Variants in CPN1 observed in about 807,000 individuals in gnomAD.
CPN1 encodes the protein carboxypeptidase N catalytic chain.
In CPN1, 37 loss-of-function variants were observed where a neutral mutation model predicts 46.4. That is an observed-to-expected ratio of 0.80 (90% CI 0.61 to 1.05). The LOEUF (loss-of-function observed/expected upper bound fraction) is 1.05. CPN1 is among the 50% of genes least tolerant of loss of function. The pLI is 0.00. For synonymous variants in CPN1, 224 were observed against 235.4 expected (o/e 0.95, Z 0.44); for missense variants, 563 against 602.6 (o/e 0.93, Z 0.69).
rs749861524 is a variant in CPN1, at chr10:100,042,419, T to G, written c.*8A>C. ...GCCTTTCTGAAGGGTTGCCTGGCAC[T>G]GTGGGTTTCAGGCAGGGCCTCTCTG... On this transcript the variant is annotated 3_prime_UTR_variant, in exon 9 of 9. Coordinates refer to ENST00000370418, the MANE Select transcript of CPN1 (RefSeq NM_001308.3). 3.1e-6 allele frequency: 5 copies of G among 1,612,738 alleles called. No homozygotes were observed. Among genetic ancestry groups the G allele is most frequent in the African/African-American group, 2.7e-5 (2 of 74,870 alleles).
In CPN1 at chr10:100,056,894, C is replaced by T. The variant is rs144415835; in HGVS notation, c.1011+119G>A. ...GAATAAATCTCAATGGAAGAAGACG[C>T]CCAGATCTATTGGACTGAGTCAGAG... On this transcript the variant is annotated intron_variant, in intron 6 of 8. Coordinates refer to ENST00000370418, the MANE Select transcript of CPN1 (RefSeq NM_001308.3). The T allele has an allele frequency of 8.1e-3, 10,128 of 1,243,684 alleles. 88 individuals are homozygous for T. The highest frequency in any genetic ancestry group is 0.051 in the Middle Eastern group (233 of 4,588). The allele number at this position is 1,243,684 out of a possible 1,614,324, so 77.0% of individuals were successfully genotyped here.
rs1352587926 is a variant in CPN1 at position 100,081,295 on chromosome 10, C to G, written c.223+108G>C. ...AGCACAGGCTGAGAAAGAGATAATA[C>G]CTTGTAGGCGGAGGCGTCCACGGAC... On this transcript the variant is annotated intron_variant, in intron 1 of 8. Coordinates refer to ENST00000370418, the MANE Select transcript of CPN1 (RefSeq NM_001308.3). The G allele has an allele frequency of 3.4e-5, 31 of 917,240 alleles. No individual in the cohort carries two copies. The South Asian group carries it at 4.4e-4, about 13-fold the overall frequency. The allele number at this position is 917,240 out of a possible 1,614,324, so 56.8% of individuals were successfully genotyped here.
In CPN1 at chr10:100,063,743, G is replaced by A. The variant is rs1221827461; in HGVS notation, c.760-18C>T. The A allele has an allele frequency of 6.3e-7, 1 of 1,591,426 alleles. No individual in the cohort carries two copies. On this transcript the variant is annotated intron_variant, in intron 4 of 8. Coordinates refer to ENST00000370418, the MANE Select transcript of CPN1 (RefSeq NM_001308.3). ...TTGGCCAGCTAGAGGAAAAGCAGGA[G>A]GAAAACGACCTTGATGATTCCCAAC... is the stretch of plus-strand genomic sequence containing the variant.
chr10:100,069,571 TA>T lies in CPN1; in HGVS notation c.576+142del. The T allele has an allele frequency of 3.1e-6, 3 of 959,532 alleles. No individual in the cohort carries two copies. The Admixed American group carries it at 5.2e-5, about 17-fold the overall frequency. 59.4% of individuals were successfully genotyped at this position (959,532 alleles called of 1,614,324 possible). On this transcript the variant is annotated intron_variant, in intron 3 of 8. Transcript: ENST00000370418. ...ACAAAGACACGGAAGAAATATATAT[TA>T]TTGCTCTAGATGGGTTAATACTGAG...
intron 6 of CPN1, among the ~76,000 whole-genome samples, chr10:100,054,896 A>G (rs1355258987): frequency 6.7e-6 from 1 of 148,848 alleles, no homozygotes; most frequent in Non-Finnish European, 1.5e-5. Context: ...CTATAGTAAA[A>G]TACACATAAA....
At chr10:100,046,845 G>A (rs2041315965) in intron 8 of CPN1, among the ~76,000 whole-genome samples, 1 of 152,028 alleles carries the variant, frequency 6.6e-6, no homozygotes, top group Middle Eastern at 3.4e-3. Flanking sequence ...AGGCCGAGGT[G>A]GGCAGATCAC....
intron 6 of CPN1, 126 bp from the exon 7 acceptor site, chr10:100,054,572 C>A: frequency 1.3e-6 from 1 of 763,404 alleles, no homozygotes; most frequent in Admixed American, 2.0e-5. Context: ...GGTAATAGTC[C>A]CTTAACTGGT....
At chr10:100,065,875 C>T (rs1206786164) in intron 3 of CPN1, among the ~76,000 whole-genome samples, 1 of 151,712 alleles carries the variant, frequency 6.6e-6, no homozygotes, top group East Asian at 1.9e-4. Flanking sequence ...GTACTTTTTG[C>T]TCAATTTTGC....
chr10:100,049,433 T>A (rs970641524), intron 7 of CPN1, among the ~76,000 whole-genome samples: 2 of 152,148 alleles, frequency 1.3e-5, no homozygotes, highest in Non-Finnish European at 2.9e-5. Context: ...CAGCTAATTT[T>A]TATATTTTTA....
At chr10:100,077,872 T>G (rs890003371) in intron 1 of CPN1, among the ~76,000 whole-genome samples, 1 of 152,284 alleles carries the variant, frequency 6.6e-6, no homozygotes, top group African/African-American at 2.4e-5. Context: ...AGATCTGTTT[T>G]AGTTCCCTCC....
Position 100,081,826 on chromosome 10 carries a change from T to G in CPN1, c.-201A>C. The G allele has an allele frequency of 1.7e-6, 1 of 600,850 alleles. No individual in the cohort carries two copies. The highest frequency in any genetic ancestry group is 3.0e-6 in the Non-Finnish European group (1 of 332,142). 37.2% of individuals were successfully genotyped at this position (600,850 alleles called of 1,614,324 possible). On this transcript the variant is annotated 5_prime_UTR_variant, in exon 1 of 9. Transcript: ENST00000370418. Reference sequence around the variant, plus strand: ...GGAATAGCCACTCATCTCTCCTCCCTCACTCCCTTTCTTTCTCTAATCCAG... The same window carrying G: ...GGAATAGCCACTCATCTCTCCTCCCGCACTCCCTTTCTTTCTCTAATCCAG...
intron 3 of CPN1, among the ~76,000 whole-genome samples, chr10:100,066,877 G>A (rs1489675570): frequency 6.6e-6 from 1 of 152,168 alleles, no homozygotes; most frequent in Non-Finnish European, 1.5e-5. Flanking sequence ...GGGCAGTTCT[G>A]TCTTTGTGTC....
rs1016375668 is a variant in CPN1, at chr10:100,081,854, A to C, written c.-229T>G. 7 of 534,272 alleles carry C rather than the reference A, an allele frequency of 1.3e-5. No homozygotes were observed. The highest frequency in any genetic ancestry group is 7.6e-5 in the African/African-American group (4 of 52,576). The allele number at this position is 534,272 out of a possible 1,614,324, so 33.1% of individuals were successfully genotyped here. On this transcript the variant is annotated 5_prime_UTR_variant, in exon 1 of 9. Coordinates refer to ENST00000370418, the MANE Select transcript of CPN1 (RefSeq NM_001308.3). ...CTCCCTTTCTTTCTCTAATCCAGGA[A>C]AGCCTTTTGAAAGGTTTTTTGCACT... is the stretch of plus-strand genomic sequence containing the variant.
intron 1 of CPN1, among the ~76,000 whole-genome samples, chr10:100,077,377 C>A (rs1014606959): frequency 6.6e-6 from 1 of 151,904 alleles, no homozygotes; most frequent in Non-Finnish European, 1.5e-5. Flanking sequence ...ACTACAGGTG[C>A]CTGCCACCAC....
chr10:100,073,295 G>C (rs2041496262), intron 2 of CPN1, among the ~76,000 whole-genome samples: 1 of 152,098 alleles, frequency 6.6e-6, no homozygotes, highest in South Asian at 2.1e-4. Flanking sequence ...GTCACTGCTT[G>C]CTTATTTATA....
chr10:100,074,926 T>G (rs1397984289), intron 2 of CPN1, among the ~76,000 whole-genome samples: 1 of 152,134 alleles, frequency 6.6e-6, no homozygotes, highest in Non-Finnish European at 1.5e-5. Flanking sequence ...CTGAAACACT[T>G]AAGATGTTAC....
chr10:100,047,633 A>G (rs956686520), intron 8 of CPN1, among the ~76,000 whole-genome samples: 3 of 152,210 alleles, frequency 2.0e-5, no homozygotes, highest in South Asian at 2.1e-4. Context: ...TTGGGCCTTC[A>G]TTCTGAAGGC....
chr10:100,050,326 C>A (rs1174359317), intron 7 of CPN1, among the ~76,000 whole-genome samples: 1 of 152,030 alleles, frequency 6.6e-6, no homozygotes, highest in African/African-American at 2.4e-5. Context: ...TGCACTCCAG[C>A]CTTGGTGACA....
At chr10:100,056,874 A>T in intron 6 of CPN1, 139 bp downstream of exon 6, 1 of 1,046,544 alleles carries the variant, frequency 9.6e-7, no homozygotes. Flanking sequence ...TGAATGAATA[A>T]ATCTCAATGG....
Sources: allele counts gnomAD v4.1 joint callset (sites outside exome capture counted in the v4.1 genomes callset), GRCh38; gene constraint gnomAD v4.1.1; transcripts MANE v1.5; gene names NCBI Gene and HGNC (gene_info 2026-07-23, HGNC 2026-07-21).